Variants in ATP1A2 observed in about 807,000 individuals in gnomAD.
ATP1A2 encodes the protein sodium/potassium-transporting ATPase subunit alpha-2.
In ATP1A2, 56 loss-of-function variants were observed where a neutral mutation model predicts 113.1. The ratio of observed to expected loss-of-function variants is 0.49; its 90% confidence interval spans 0.40 to 0.62. The LOEUF (loss-of-function observed/expected upper bound fraction) is 0.62, where lower values mean the gene tolerates loss of function less well. Ranked by LOEUF, ATP1A2 falls within the 20% of genes least tolerant of loss-of-function variation. The probability of loss-of-function intolerance (pLI) is 0.00; values close to 1 mark genes in which losing one functional copy is unlikely to be tolerated. For missense variants in ATP1A2, 712 were observed against 1,357.8 expected (o/e 0.52, Z 7.47); for synonymous variants, 490 against 526.8 (o/e 0.93, Z 0.96).
chr1:160,129,462 A>G, intron 11 of ATP1A2, 62 bp downstream of exon 11: 1 of 1,597,924 alleles, frequency 6.3e-7, no homozygotes, highest in Non-Finnish European at 8.5e-7. Context: ...GGGTGGACAA[A>G]GCCAAGGGGA....
At chr1:160,119,420 G>A (rs1480148503) in intron 1 of ATP1A2, among the ~76,000 whole-genome samples, 3 of 152,284 alleles carry the variant, frequency 2.0e-5, no homozygotes, top group East Asian at 1.9e-4. Flanking sequence ...ATAGGCACCA[G>A]GTGGAAACTG....
rs946565583 is a variant in ATP1A2 at position 160,127,702 on chromosome 1, TG to T, written c.904del (p.Val302SerfsTer25). 2 of 1,614,228 alleles carry T rather than the reference TG, an allele frequency of 1.2e-6. No homozygotes were observed. Among genetic ancestry groups the T allele is most frequent in the Non-Finnish European group, 1.7e-6 (2 of 1,180,032 alleles). On this transcript the variant is annotated frameshift_variant, in exon 8 of 23. Coordinates refer to ENST00000361216, the MANE Select transcript of ATP1A2 (RefSeq NM_000702.4). LOFTEE classifies it high-confidence loss of function. ...CTGATCACAGGGGTCGCTGTATTCC[TG>T]GGGGTCTCCTTCTTCGTGCTCTCCC... ...IQLITGVAVF[L>X]GVSFFVLSLI...
intron 13 of ATP1A2, among the ~76,000 whole-genome samples, chr1:160,131,025 A>T (rs558593419): frequency 6.6e-6 from 1 of 152,062 alleles, no homozygotes; most frequent in African/African-American, 2.4e-5. Flanking sequence ...CCTCCCACTC[A>T]AGGTTCTCTT....
At chr1:160,133,573 AT>A (rs1419183371) in intron 13 of ATP1A2, among the ~76,000 whole-genome samples, 5 of 152,096 alleles carry the variant, frequency 3.3e-5, no homozygotes, top group African/African-American at 1.2e-4. Flanking sequence ...ACCAGGGAGG[AT>A]GTCAGAGGCA....
chr1:160,136,056 G>A, intron 17 of ATP1A2, 63 bp downstream of exon 17: 1 of 1,613,198 alleles, frequency 6.2e-7, no homozygotes, highest in Non-Finnish European at 8.5e-7. Context: ...TGGCAGGGAG[G>A]AGAGGTGCAC....
rs386368465 is a variant in ATP1A2, at chr1:160,119,256, CAAAA to C, written c.13-1626_13-1623del. Among the ~76,000 whole-genome samples, 84 of 49,416 alleles carry C rather than the reference CAAAA, an allele frequency of 1.7e-3. No individual in the cohort carries two copies. In the East Asian group the frequency reaches 0.02, roughly 12 times the overall value. 32.4% of individuals were successfully genotyped at this position (49,416 alleles called of 152,430 possible). A position where few individuals can be genotyped will look rare whatever the true frequency, so the allele number is the denominator to read the frequency against. On this transcript the variant is annotated intron_variant, in intron 1 of 22. Coordinates refer to ENST00000361216, the MANE Select transcript of ATP1A2 (RefSeq NM_000702.4). ...AAACCCCCAAAACTGCATTATCCTGCAAAAAAAAAAAAAAAAAAAAAAAAAAAGC... is the reference window on the plus strand; with the variant it reads ...AAACCCCCAAAACTGCATTATCCTGCAAAAAAAAAAAAAAAAAAAAAAAGC...
intron 22 of ATP1A2, 26 bp downstream of exon 22, chr1:160,140,010 C>G: frequency 6.2e-7 from 1 of 1,607,942 alleles, no homozygotes. Context: ...TTCCCCCCAG[C>G]AAAGTGCAAG....
chr1:160,127,924 TAG>T, intron 8 of ATP1A2, 104 bp downstream of exon 8: 2 of 1,449,960 alleles, frequency 1.4e-6, no homozygotes, highest in Non-Finnish European at 1.8e-6. Flanking sequence ...TTTTTCCCCC[TAG>T]AGTCACTTAT....
intron 4 of ATP1A2, among the ~76,000 whole-genome samples, 162 bp from the exon 5 acceptor site, chr1:160,123,781 G>A (rs959401399): frequency 9.2e-5 from 14 of 152,186 alleles, no homozygotes; most frequent in African/African-American, 3.1e-4. Flanking sequence ...AGATCAAGGG[G>A]GAGGTTAGTG....
chr1:160,138,560 A>G (rs1652027567), intron 20 of ATP1A2, among the ~76,000 whole-genome samples: 1 of 152,216 alleles, frequency 6.6e-6, no homozygotes, highest in Non-Finnish European at 1.5e-5. Flanking sequence ...AAGATGGAGT[A>G]GCCGGGGACA....
Position 160,136,184 on chromosome 1 carries a change from T to G in ATP1A2, c.2440-63T>G, listed in dbSNP as rs867423146. ...ACGATCGTCACTGTCGAAGATCAAT[T>G]GCTTCTGTCATCTCCTACGTCCCTT... On this transcript the variant is annotated intron_variant, in intron 17 of 22. Coordinates refer to ENST00000361216, the MANE Select transcript of ATP1A2 (RefSeq NM_000702.4). 158 of 1,611,210 alleles carry G rather than the reference T, an allele frequency of 9.8e-5. 1 individual carries two copies. In the African/African-American group the frequency reaches 1.9e-3, roughly 19 times the overall value.
At chr1:160,137,258 C>T (rs932193205) in intron 20 of ATP1A2, 2 of 626,592 alleles carry the variant, frequency 3.2e-6, no homozygotes, top group Non-Finnish European at 5.4e-6. Flanking sequence ...TTTCTTCTCT[C>T]CTTCTCTCCC....
chr1:160,121,454 A>G (rs1651394791), intron 3 of ATP1A2, among the ~76,000 whole-genome samples: 1 of 152,162 alleles, frequency 6.6e-6, no homozygotes, highest in African/African-American at 2.4e-5. Flanking sequence ...TCCTAGCCCA[A>G]AGCTCTCTCC....
intron 7 of ATP1A2, among the ~76,000 whole-genome samples, chr1:160,126,451 C>T (rs1651590153): frequency 6.6e-6 from 1 of 152,124 alleles, no homozygotes; most frequent in Non-Finnish European, 1.5e-5. Context: ...AATCACCACA[C>T]ATTACATTTC....
intron 20 of ATP1A2, 128 bp from the exon 21 acceptor site, chr1:160,139,512 T>C (rs1570997685): frequency 2.5e-6 from 2 of 809,878 alleles, no homozygotes; most frequent in Admixed American, 1.9e-5. Flanking sequence ...GAAGAGGCTG[T>C]TGGAAGAAGA....
Position 160,124,017 on chromosome 1 carries a change from C to T in ATP1A2, c.456C>T (p.Ser152=). 1 of 1,614,174 alleles carries T rather than the reference C, an allele frequency of 6.2e-7. No individual in the cohort carries two copies. Among genetic ancestry groups the T allele is most frequent in the Non-Finnish European group, 8.5e-7 (1 of 1,180,040 alleles). ...GCFSYYQEAK[S]SKIMDSFKNM... ...TCTCCTACTACCAGGAGGCCAAGAG[C>T]TCCAAGATCATGGATTCCTTCAAGA... The change falls in exon 5 of 23, where the codon AGC becomes AGT. Residue 152 remains serine (S), a synonymous_variant. Coordinates refer to ENST00000361216, the MANE Select transcript of ATP1A2 (RefSeq NM_000702.4).
intron 1 of ATP1A2, 29 bp downstream of exon 1, chr1:160,115,902 A>G (rs377546471): frequency 1.7e-5 from 27 of 1,599,300 alleles, no homozygotes; most frequent in Non-Finnish European, 2.2e-5. Flanking sequence ...CAGGGGTCGC[A>G]GTCTAGAGGG....
chr1:160,140,172 C>T (rs1652090802), intron 22 of ATP1A2, 188 bp downstream of exon 22: 7 of 633,396 alleles, frequency 1.1e-5, no homozygotes, highest in South Asian at 9.0e-5. Context: ...CTCTTCCCAT[C>T]AGATTCTAAA....
In ATP1A2 at chr1:160,130,479, C is replaced by T. The variant is rs758815329; in HGVS notation, c.1709C>T (p.Thr570Met). The change falls in exon 13 of 23, where the codon ACG becomes ATG. Residue 570 changes from threonine to methionine, a missense_variant. Thr to Met is a moderately conservative substitution (Grantham distance 81). This residue lies in a region of ATP1A2 where 263 missense variants were observed against 380.6 expected (regional missense o/e 0.69). Transcript: ENST00000361216. ...GKFPRGFKFDTDELNFPTEKL... is the reference protein window; with the variant it reads ...GKFPRGFKFDMDELNFPTEKL... The stretch of plus-strand genomic sequence containing the variant: ...TTTCCTCGGGGCTTCAAATTCGACA[C>T]GGATGAGCTGAACTTTCCCACGGAG... 2.8e-5 allele frequency: 45 copies of T among 1,614,118 alleles called. No individual in the cohort carries two copies. The East Asian group carries it at 3.3e-4, about 12-fold the overall frequency.
Sources: gnomAD v4.1 joint callset for allele counts (sites outside exome capture counted in the v4.1 genomes callset) on GRCh38, gnomAD v4.1.1 for gene constraint, gnomAD v4.1.1 regional missense constraint, MANE v1.5 for transcripts, NCBI Gene and HGNC (gene_info 2026-07-23, HGNC 2026-07-21) for gene names.